Variants in GRID1 observed in about 807,000 individuals in gnomAD.
GRID1 encodes glutamate ionotropic receptor delta type subunit 1, also known as glutamate receptor ionotropic, delta-1.
In GRID1, 28 loss-of-function variants were observed where a neutral mutation model predicts 98.0. The observed-to-expected ratio is 0.29, with a 90% CI of 0.21 to 0.39. GRID1 has a LOEUF of 0.39. GRID1 is among the 10% of genes least tolerant of loss of function. The pLI, the probability that GRID1 is intolerant of heterozygous loss-of-function variation, is 1.00. For missense variants in GRID1, 1,111 were observed against 1,340.5 expected, an observed-to-expected ratio of 0.83 and a Z score of 2.67; for synonymous variants, 553 against 538.5, an observed-to-expected ratio of 1.03 and a Z score of -0.37.
chr10:85,898,391 G>A (rs1205802968), intron 5 of GRID1, among the ~76,000 whole-genome samples: 1 of 151,764 alleles, frequency 6.6e-6, no homozygotes. Flanking sequence ...CTAAACATAG[G>A]CAACACTAAA....
intron 6 of GRID1, among the ~76,000 whole-genome samples, chr10:85,867,946 T>C (rs751193698): frequency 1.3e-5 from 2 of 152,212 alleles, no homozygotes; most frequent in African/African-American, 4.8e-5. Context: ...TTTGGCAAAT[T>C]TGACACATGT....
At chr10:86,052,078 C>A (rs1333990834) in intron 4 of GRID1, among the ~76,000 whole-genome samples, 1 of 151,494 alleles carries the variant, frequency 6.6e-6, no homozygotes, top group African/African-American at 2.4e-5. Context: ...GGTTATGGCA[C>A]ATCTACACAA....
chr10:86,283,051 C>G (rs1327197354), intron 2 of GRID1, among the ~76,000 whole-genome samples: 1 of 152,176 alleles, frequency 6.6e-6, no homozygotes, highest in African/African-American at 2.4e-5. Flanking sequence ...CTCACTTCCT[C>G]TAAGACACCA....
intron 12 of GRID1, among the ~76,000 whole-genome samples, chr10:85,665,352 T>A (rs7094423): frequency 0.025 from 3,811 of 152,242 alleles, 147 homozygotes; most frequent in African/African-American, 0.085. Context: ...TTTCCCTCCT[T>A]CTTCCCATGA....
intron 4 of GRID1, among the ~76,000 whole-genome samples, chr10:85,985,854 G>A (rs1046942559): frequency 6.6e-6 from 1 of 152,212 alleles, no homozygotes; most frequent in Non-Finnish European, 1.5e-5. Flanking sequence ...TGTTGGCTGT[G>A]TTGTTTCCCC....
chr10:86,291,438 G>C (rs1277959487), intron 2 of GRID1, among the ~76,000 whole-genome samples: 1 of 152,112 alleles, frequency 6.6e-6, no homozygotes, highest in African/African-American at 2.4e-5. Flanking sequence ...GAGTGAGAGG[G>C]ACTCCCCAAC....
intron 4 of GRID1, among the ~76,000 whole-genome samples, chr10:85,976,079 T>C (rs1842468938): frequency 6.6e-6 from 1 of 152,202 alleles, no homozygotes; most frequent in South Asian, 2.1e-4. Context: ...ACTTCCGTGA[T>C]GTGTGCCTTG....
chr10:86,338,282 C>G (rs563657239), intron 2 of GRID1, among the ~76,000 whole-genome samples: 1 of 152,122 alleles, frequency 6.6e-6, no homozygotes, highest in South Asian at 2.1e-4. Context: ...AATCAGAGTC[C>G]TCTGAAGACC....
At chr10:86,354,585 T>C (rs535395289) in intron 2 of GRID1, among the ~76,000 whole-genome samples, 1 of 152,358 alleles carries the variant, frequency 6.6e-6, no homozygotes, top group South Asian at 2.1e-4. Context: ...ATGTTGAGAC[T>C]GAGGGTCAGA....
chr10:86,204,860 C>T lies in GRID1; in HGVS notation c.520+1504G>A, dbSNP rs1038816790. Among the ~76,000 whole-genome samples, 7 of 152,154 alleles carry T rather than the reference C, an allele frequency of 4.6e-5. No homozygotes were observed. In the South Asian group the frequency reaches 6.2e-4, roughly 14 times the overall value. On this transcript the variant is annotated intron_variant, in intron 3 of 15. Transcript: ENST00000327946. ...CCACAGGGTTCAGCCTCAGAGCAGG[C>T]TGGACTTTGGGGTTGAGCCACCAGC...
At chr10:85,668,946 A>T (rs1478415236) in intron 12 of GRID1, among the ~76,000 whole-genome samples, 1 of 152,152 alleles carries the variant, frequency 6.6e-6, no homozygotes, top group Non-Finnish European at 1.5e-5. Flanking sequence ...AGACAGAGAG[A>T]AAAAAAGTGA....
intron 4 of GRID1, among the ~76,000 whole-genome samples, chr10:86,028,913 C>T (rs1314404390): frequency 3.3e-5 from 5 of 152,124 alleles, no homozygotes; most frequent in African/African-American, 1.2e-4. Flanking sequence ...GGATGGGAGG[C>T]AAGAAAGCTG....
chr10:85,695,675 G>C (rs1841385047), intron 12 of GRID1, among the ~76,000 whole-genome samples: 2 of 152,248 alleles, frequency 1.3e-5, no homozygotes, highest in Admixed American at 6.5e-5. Flanking sequence ...AAGATGTCCT[G>C]TCAACGCTTT....
chr10:85,909,287 A>AAGTACCAAGTACCAAGTACCTCTTCGG lies in GRID1; in HGVS notation c.780+6898_780+6899insCCGAAGAGGTACTTGGTACTTGGTACT, dbSNP rs1235599853. Among the ~76,000 whole-genome samples, 6 of 152,232 alleles carry AAGTACCAAGTACCAAGTACCTCTTCGG rather than the reference A, an allele frequency of 3.9e-5. 1 individual carries two copies. The highest frequency in any genetic ancestry group is 7.3e-5 in the Non-Finnish European group (5 of 68,042). ...GTGACTATAATCAAAAACCCCGACC[A>AAGTACCAAGTACCAAGTACCTCTTCGG]TACCAAGTACCGAAGAGGATATGAA... On this transcript the variant is annotated intron_variant, in intron 5 of 15. Coordinates refer to ENST00000327946, the MANE Select transcript of GRID1 (RefSeq NM_017551.3).
chr10:86,281,076 C>T (rs1338812327), intron 2 of GRID1, among the ~76,000 whole-genome samples: 1 of 152,156 alleles, frequency 6.6e-6, no homozygotes, highest in Non-Finnish European at 1.5e-5. Flanking sequence ...ACTGAGAATG[C>T]AATAGGGAGG....
chr10:85,716,480 G>T (rs1371948543), intron 12 of GRID1, among the ~76,000 whole-genome samples: 1 of 151,822 alleles, frequency 6.6e-6, no homozygotes, highest in Non-Finnish European at 1.5e-5. Context: ...GTTAATGGGT[G>T]CAGCACACCA....
chr10:85,865,956 GA>G (rs1843215616), intron 6 of GRID1, among the ~76,000 whole-genome samples: 3 of 7,124 alleles, frequency 4.2e-4, no homozygotes, highest in African/African-American at 5.3e-4. Context: ...CATATATATG[GA>G]GAGAGAGAGA....
chr10:85,958,952 C>CG (rs1221983487), intron 4 of GRID1, among the ~76,000 whole-genome samples: 2 of 130,340 alleles, frequency 1.5e-5, no homozygotes, highest in Non-Finnish European at 3.2e-5. Flanking sequence ...AGTGAAACTC[C>CG]GTCTCAAAAA....
At chr10:85,807,451 G>A (rs988201832) in intron 8 of GRID1, among the ~76,000 whole-genome samples, 3 of 151,738 alleles carry the variant, frequency 2.0e-5, no homozygotes, top group African/African-American at 4.8e-5. Flanking sequence ...AGAATGATAC[G>A]AATATATGAA....
Sources: allele counts gnomAD v4.1 joint callset (sites outside exome capture counted in the v4.1 genomes callset), GRCh38; gene constraint gnomAD v4.1.1; transcripts MANE v1.5; gene names NCBI Gene and HGNC (gene_info 2026-07-23, HGNC 2026-07-21).